The following DMD variants were observed in gnomAD, a reference collection of about 807,000 sequenced individuals.
DMD encodes dystrophin.
In DMD, 63 loss-of-function variants were observed where a neutral mutation model predicts 330.1. The ratio of observed to expected loss-of-function variants is 0.19; its 90% CI spans 0.16 to 0.24. DMD has a LOEUF of 0.24. Among genes scored for constraint, DMD ranks in the 10% least tolerant of loss-of-function variants. The pLI is 1.00. For missense variants in DMD, 3,344 were observed against 2,684.1 expected, an observed-to-expected ratio of 1.25 and a Z score of -5.43; for synonymous variants, 1,223 against 959.8, an observed-to-expected ratio of 1.27 and a Z score of -5.07.
intron 33 of DMD, among the ~76,000 whole-genome samples, 154 bp downstream of exon 33, chrX:32,386,156 G>A (rs756685852): frequency 4.6e-5 from 5 of 109,630 alleles, no homozygotes; most frequent in South Asian, 3.8e-4. Flanking sequence ...ATATATATAC[G>A]TATATGTGTG....
chrX:32,590,852 A>G (rs1166198032), intron 13 of DMD, among the ~76,000 whole-genome samples: 1 of 110,857 alleles, frequency 9.0e-6, no homozygotes, highest in Non-Finnish European at 1.9e-5. Context: ...GTATCATGGG[A>G]CTTCACCTTG....
chrX:32,671,667 C>T (rs963218181), intron 9 of DMD, among the ~76,000 whole-genome samples: 9 of 111,719 alleles, frequency 8.1e-5, no homozygotes, highest in Admixed American at 5.7e-4. Context: ...TGGGAGGCTC[C>T]CCTATTCTTG....
At chrX:32,279,257 T>C (rs2097403407) in intron 43 of DMD, among the ~76,000 whole-genome samples, 1 of 111,431 alleles carries the variant, frequency 9.0e-6, no homozygotes, top group Non-Finnish European at 1.9e-5. Context: ...GTTTGGAGGT[T>C]CCTCAGAAAC....
chrX:32,554,325 G>A lies in DMD; in HGVS notation c.1993-8991C>T, dbSNP rs575346858. Among the ~76,000 whole-genome samples, 11 of 111,247 alleles carry A rather than the reference G, an allele frequency of 9.9e-5. No homozygotes were observed. In the East Asian group the frequency reaches 3.1e-3, roughly 32 times the overall value. On this transcript the variant is annotated intron_variant, in intron 16 of 78. Transcript: ENST00000357033. ...TCCAAAAAACTAAATGAATCCAGGA[G>A]CTGGTTTTTGGAAAAAAATAAAAAT...
intron 37 of DMD, among the ~76,000 whole-genome samples, chrX:32,361,922 T>G (rs2147221593): frequency 9.0e-6 from 1 of 111,527 alleles, no homozygotes; most frequent in East Asian, 2.8e-4. Context: ...TCATATATAT[T>G]GAAATTTATC....
chrX:32,068,396 T>G lies in DMD; in HGVS notation c.6439-99882A>C, dbSNP rs2096274700. 8.7e-5 allele frequency among the ~76,000 whole-genome samples: 7 copies of G among 80,502 alleles called. No homozygotes were observed. The South Asian group carries it at 4.1e-3, about 47-fold the overall frequency. 69.9% of individuals were successfully genotyped at this position (80,502 alleles called of 115,157 possible). ...GTCATTTTTTTTTTTTTTTTTTTTT[T>G]GCAATTGCTTTTAAGGACTTAGTCA... On this transcript the variant is annotated intron_variant, in intron 44 of 78. Coordinates refer to ENST00000357033, the MANE Select transcript of DMD (RefSeq NM_004006.3).
At chrX:32,905,712 T>G (rs2086673728) in intron 2 of DMD, among the ~76,000 whole-genome samples, 1 of 112,117 alleles carries the variant, frequency 8.9e-6, no homozygotes, top group African/African-American at 3.2e-5. Flanking sequence ...GAAGGGTTGT[T>G]GACGTATTGC....
At chrX:32,105,937 C>CT (rs1028559319) in intron 44 of DMD, among the ~76,000 whole-genome samples, 13 of 111,754 alleles carry the variant, frequency 1.2e-4, no homozygotes, top group African/African-American at 1.9e-4. Context: ...GGCAAAGTGG[C>CT]TTTTTCTCCC....
chrX:31,238,535 G>GT (rs748339930), intron 63 of DMD, among the ~76,000 whole-genome samples: 1 of 111,822 alleles, frequency 8.9e-6, no homozygotes, highest in Non-Finnish European at 1.9e-5. Context: ...GGCAAATGTC[G>GT]TGTGTACCTG....
intron 2 of DMD, among the ~76,000 whole-genome samples, chrX:32,990,585 C>G (rs1324234387): frequency 8.9e-6 from 1 of 111,837 alleles, no homozygotes; most frequent in Non-Finnish European, 1.9e-5. Context: ...TATGCTGTCA[C>G]TGTAAGTAGC....
chrX:31,518,352 T>C (rs2072444550), intron 55 of DMD, among the ~76,000 whole-genome samples: 1 of 110,407 alleles, frequency 9.1e-6, no homozygotes, highest in South Asian at 3.9e-4. Context: ...TGCTGCAATA[T>C]TATTTCTGAT....
intron 55 of DMD, among the ~76,000 whole-genome samples, chrX:31,596,933 C>T (rs2077139674): frequency 1.8e-5 from 2 of 112,342 alleles, no homozygotes; most frequent in Non-Finnish European, 3.8e-5. Context: ...TTAACAAGCT[C>T]TCCAGGCAAT....
intron 62 of DMD, among the ~76,000 whole-genome samples, chrX:31,300,389 T>G (rs1249001778): frequency 8.9e-6 from 1 of 112,287 alleles, no homozygotes; most frequent in African/African-American, 3.2e-5. Flanking sequence ...ACTTGTATTC[T>G]GGGTCTTCAG....
rs767143044 is a variant in DMD at position 32,448,233 on chromosome X, T to C, written c.3786+223A>G. 1.2e-3 allele frequency among the ~76,000 whole-genome samples: 135 copies of C among 111,173 alleles called. No individual in the cohort carries two copies. The highest frequency in any genetic ancestry group is 1.5e-3 in the Non-Finnish European group (78 of 52,538). ...AGTTTAAAGAGAATAGCTCATTTAA[T>C]TTTCTCAACAACTTATGAATTATGT... On this transcript the variant is annotated intron_variant, in intron 27 of 78. Transcript: ENST00000357033.
chrX:31,706,102 T>C (rs1192676355), intron 52 of DMD, among the ~76,000 whole-genome samples: 2 of 105,665 alleles, frequency 1.9e-5, no homozygotes, highest in Non-Finnish European at 3.9e-5. Context: ...AGAGATTGGA[T>C]GTAAAGAAAA....
In DMD at chrX:32,816,608, T is replaced by A; in HGVS notation, c.390A>T (p.Gly130=). ...TCTTTTCACTGTTGGTTTGTTGCAA[T>A]CCAGCCATGATATTTTTCATTACAT... ...VKNVMKNIMA[G]LQQTNSEKIL... The change falls in exon 6 of 79, where the codon GGA becomes GGT. Residue 130 remains glycine (G), a synonymous_variant. Transcript: ENST00000357033. The A allele has an allele frequency of 5.8e-6, 7 of 1,211,480 alleles. No homozygotes were observed. Among genetic ancestry groups the A allele is most frequent in the Non-Finnish European group, 7.8e-6 (7 of 895,323 alleles).
chrX:32,324,955 A>C (rs759418290), intron 41 of DMD, among the ~76,000 whole-genome samples: 17 of 111,693 alleles, frequency 1.5e-4, no homozygotes, highest in African/African-American at 5.5e-4. Flanking sequence ...GAAATGTAGA[A>C]GAATAATAGA....
intron 17 of DMD, among the ~76,000 whole-genome samples, chrX:32,523,125 G>C (rs1393034017): frequency 9.0e-6 from 1 of 111,619 alleles, no homozygotes; most frequent in Non-Finnish European, 1.9e-5. Flanking sequence ...GCGTTGAATT[G>C]ACATTGCTCT....
chrX:32,810,143 T>C (rs1444923213), intron 6 of DMD, among the ~76,000 whole-genome samples: 2 of 109,991 alleles, frequency 1.8e-5, no homozygotes, highest in Non-Finnish European at 3.8e-5. Context: ...GCTGAGGATG[T>C]ATACCTTAAA....
Sources: gnomAD v4.1 joint callset for allele counts (sites outside exome capture counted in the v4.1 genomes callset) on GRCh38, gnomAD v4.1.1 for gene constraint, MANE v1.5 for transcripts, NCBI Gene and HGNC (gene_info 2026-07-23, HGNC 2026-07-21) for gene names.